UNC5D: variants seen among roughly 807,000 people sequenced by gnomAD.
The protein encoded by UNC5D is unc-5 netrin receptor D.
In UNC5D, 39 loss-of-function variants were observed where a neutral mutation model predicts 105.4. The ratio of observed to expected loss-of-function variants is 0.37; its 90% CI spans 0.29 to 0.48. The LOEUF is 0.48. Among genes scored for constraint, UNC5D ranks in the 20% least tolerant of loss-of-function variants. The probability of loss-of-function intolerance (pLI) is 0.98; values close to 1 mark genes in which losing one functional copy is unlikely to be tolerated. For missense variants in UNC5D, 991 were observed against 1,202.4 expected, an observed-to-expected ratio of 0.82 and a Z score of 2.60; for synonymous variants, 452 against 450.4, an observed-to-expected ratio of 1.00 and a Z score of -0.04.
At chr8:35,340,540 G>A (rs987560029) in intron 1 of UNC5D, among the ~76,000 whole-genome samples, 1 of 152,148 alleles carries the variant, frequency 6.6e-6, no homozygotes, top group African/African-American at 2.4e-5. Context: ...TTAAAGGGAA[G>A]GTTTGGAATC....
At chr8:35,607,960 C>T (rs1394712612) in intron 4 of UNC5D, among the ~76,000 whole-genome samples, 1 of 152,162 alleles carries the variant, frequency 6.6e-6, no homozygotes, top group Non-Finnish European at 1.5e-5. Context: ...GTTCTCCTCT[C>T]TGTGTCTTTG....
At chr8:35,721,175 T>C (rs1323653737) in intron 8 of UNC5D, among the ~76,000 whole-genome samples, 1 of 152,200 alleles carries the variant, frequency 6.6e-6, no homozygotes. Flanking sequence ...ACTTACCACA[T>C]AATCTGTAGG....
chr8:35,628,430 A>G (rs974347002), intron 4 of UNC5D, among the ~76,000 whole-genome samples: 2 of 152,140 alleles, frequency 1.3e-5, no homozygotes, highest in African/African-American at 2.4e-5. Context: ...CACTGTGCCC[A>G]GCCCAGAAAG....
rs114564016 is a variant in UNC5D, at chr8:35,481,116, T to G, written c.104-68176T>G. Among the ~76,000 whole-genome samples the G allele has an allele frequency of 4.1e-3, 624 of 152,336 alleles. 7 individuals carry two copies. The highest frequency in any genetic ancestry group is 0.014 in the African/African-American group (588 of 41,554). On this transcript the variant is annotated intron_variant, in intron 1 of 16. Coordinates refer to ENST00000404895, the MANE Select transcript of UNC5D (RefSeq NM_080872.4). The stretch of plus-strand genomic sequence containing the variant: ...TAATCTTGGTTGAAGCCAATTGACT[T>G]TATTTGCTTTCTAACACATAAAGCT...
Position 35,300,446 on chromosome 8 carries a change from CAAAAAAAAAA to C in UNC5D, c.103+64598_103+64607del, listed in dbSNP as rs752599540. Among the ~76,000 whole-genome samples, 13 of 58,398 alleles carry C rather than the reference CAAAAAAAAAA, an allele frequency of 2.2e-4. 3 individuals are homozygous for C. The highest frequency in any genetic ancestry group is 1.8e-3 in the East Asian group (4 of 2,216). The allele number at this position is 58,398 out of a possible 152,430, so 38.3% of individuals were successfully genotyped here. A position where few individuals can be genotyped will look rare whatever the true frequency, so the allele number is the denominator to read the frequency against. On this transcript the variant is annotated intron_variant, in intron 1 of 16. Coordinates refer to ENST00000404895, the MANE Select transcript of UNC5D (RefSeq NM_080872.4). ...TGGGCAACAGAGAGAGACTCCCTCTCAAAAAAAAAAAAAAAAAAAAAAAAAAAAAAAAAAA... is the reference window on the plus strand; with the variant it reads ...TGGGCAACAGAGAGAGACTCCCTCTCAAAAAAAAAAAAAAAAAAAAAAAAA...
intron 1 of UNC5D, among the ~76,000 whole-genome samples, chr8:35,403,791 C>T (rs1350041783): frequency 1.3e-5 from 2 of 152,164 alleles, no homozygotes; most frequent in Non-Finnish European, 2.9e-5. Context: ...AAAGGGTCAT[C>T]GTCATTGTCT....
intron 1 of UNC5D, among the ~76,000 whole-genome samples, chr8:35,413,178 A>G (rs181268801): frequency 3.3e-5 from 5 of 151,438 alleles, no homozygotes; most frequent in Non-Finnish European, 7.4e-5. Context: ...ACGAATCTAC[A>G]TTAGCTATGT....
At chr8:35,340,315 A>G (rs1281857735) in intron 1 of UNC5D, among the ~76,000 whole-genome samples, 1 of 152,180 alleles carries the variant, frequency 6.6e-6, no homozygotes, top group Non-Finnish European at 1.5e-5. Flanking sequence ...GATGCTGGAC[A>G]TCCAGTACGG....
At chr8:35,716,233 G>A (rs534750390) in intron 8 of UNC5D, among the ~76,000 whole-genome samples, 2 of 152,248 alleles carry the variant, frequency 1.3e-5, no homozygotes, top group South Asian at 4.1e-4. Context: ...TTGACAATGC[G>A]TCATCATCAG....
chr8:35,631,282 C>T (rs1178003691), intron 4 of UNC5D, among the ~76,000 whole-genome samples: 1 of 151,212 alleles, frequency 6.6e-6, no homozygotes, highest in Admixed American at 6.6e-5. Context: ...CCACTGCACT[C>T]CAGCCTGGGC....
At chr8:35,476,698 G>A (rs924114319) in intron 1 of UNC5D, among the ~76,000 whole-genome samples, 1 of 152,098 alleles carries the variant, frequency 6.6e-6, no homozygotes, top group Non-Finnish European at 1.5e-5. Context: ...TCCTAGATTA[G>A]TCTCCAGTGA....
intron 1 of UNC5D, among the ~76,000 whole-genome samples, chr8:35,322,918 A>G (rs1809859430): frequency 6.6e-6 from 1 of 152,164 alleles, no homozygotes; most frequent in South Asian, 2.1e-4. Flanking sequence ...ATCTAGTTAG[A>G]GCAGCAAGCC....
At chr8:35,566,380 CGA>C (rs1817338322) in intron 2 of UNC5D, among the ~76,000 whole-genome samples, 1 of 152,134 alleles carries the variant, frequency 6.6e-6, no homozygotes, top group Non-Finnish European at 1.5e-5. Context: ...CCTCCTCCAT[CGA>C]GAGTTCTGGA....
chr8:35,680,207 C>T (rs1227378972), intron 4 of UNC5D, among the ~76,000 whole-genome samples: 1 of 152,112 alleles, frequency 6.6e-6, no homozygotes, highest in Non-Finnish European at 1.5e-5. Flanking sequence ...TGGTATCAAA[C>T]AGTAGGTAAA....
chr8:35,525,908 T>G, intron 1 of UNC5D: 2 of 719,580 alleles, frequency 2.8e-6, no homozygotes, highest in Non-Finnish European at 4.5e-6. Context: ...CTCCCTGCAC[T>G]GGAGTGTTCA....
chr8:35,677,113 C>T (rs559256420), intron 4 of UNC5D, among the ~76,000 whole-genome samples: 10 of 152,176 alleles, frequency 6.6e-5, no homozygotes, highest in South Asian at 2.1e-4. Flanking sequence ...CGTTTTGCCA[C>T]GGTCATCACA....
intron 1 of UNC5D, among the ~76,000 whole-genome samples, chr8:35,251,172 C>T (rs1803670673): frequency 6.6e-6 from 1 of 152,082 alleles, no homozygotes; most frequent in Non-Finnish European, 1.5e-5. Context: ...TAAGAACATA[C>T]CTGGGACTGG....
At chr8:35,436,602 G>T (rs971091701) in intron 1 of UNC5D, among the ~76,000 whole-genome samples, 13 of 152,082 alleles carry the variant, frequency 8.5e-5, no homozygotes, top group African/African-American at 2.9e-4. Context: ...TCAGTTGATG[G>T]TGTCATACAG....
intron 1 of UNC5D, among the ~76,000 whole-genome samples, chr8:35,258,968 A>G (rs1804262168): frequency 6.6e-6 from 1 of 152,196 alleles, no homozygotes; most frequent in African/African-American, 2.4e-5. Flanking sequence ...CAAGAAGACC[A>G]AAGCCCGTTA....
Sources: allele counts gnomAD v4.1 joint callset (sites outside exome capture counted in the v4.1 genomes callset), GRCh38; gene constraint gnomAD v4.1.1; transcripts MANE v1.5; gene names NCBI Gene and HGNC (gene_info 2026-07-23, HGNC 2026-07-21).